The following DZIP3 variants were observed in gnomAD, a reference collection of about 807,000 sequenced individuals.
The protein encoded by DZIP3 is DAZ interacting zinc finger protein 3.
A neutral mutation model predicts 162.0 loss-of-function variants in DZIP3; 118 were observed. The observed-to-expected ratio is 0.73, with a 90% CI of 0.63 to 0.85. The LOEUF is 0.85. Among genes scored for constraint, DZIP3 ranks in the 40% least tolerant of loss-of-function variants. The pLI, the probability that DZIP3 is intolerant of heterozygous loss-of-function variation, is 0.00. For missense variants in DZIP3, 1,331 were observed against 1,407.0 expected (o/e 0.95, Z 0.86); for synonymous variants, 438 against 458.6 (o/e 0.96, Z 0.57).
At chr3:108,668,613 T>G (rs1943783451) in intron 21 of DZIP3, among the ~76,000 whole-genome samples, 1 of 152,036 alleles carries the variant, frequency 6.6e-6, no homozygotes, top group African/African-American at 2.4e-5. Context: ...AACATATTCC[T>G]ATATATTACA....
chr3:108,688,406 A>C (rs1441592504), intron 29 of DZIP3, among the ~76,000 whole-genome samples, 187 bp from the exon 30 acceptor site: 1 of 152,194 alleles, frequency 6.6e-6, no homozygotes, highest in Non-Finnish European at 1.5e-5. Flanking sequence ...AAGAATGTAT[A>C]GAGTTATTTT....
At chr3:108,629,775 A>G (rs1941748629) in intron 8 of DZIP3, among the ~76,000 whole-genome samples, 1 of 151,468 alleles carries the variant, frequency 6.6e-6, no homozygotes, top group Admixed American at 6.6e-5. Flanking sequence ...CATATTATAC[A>G]ATGCGATTTT....
chr3:108,688,903 C>T lies in DZIP3; in HGVS notation c.3495C>T (p.Cys1165=), dbSNP rs200425501. 146 of 1,614,072 alleles carry T rather than the reference C, an allele frequency of 9.0e-5. No individual in the cohort carries two copies. Among genetic ancestry groups the T allele is most frequent in the Middle Eastern group, 3.3e-4 (2 of 6,062 alleles). The part of the protein sequence containing the change: ...LSPENLSVLP[C]AHKFHAQCIR... The stretch of plus-strand genomic sequence containing the variant: ...CAGAAAATCTTTCAGTTTTGCCTTG[C>T]GCTCACAAATTCCATGCTCAGGTAA... The change falls in exon 31 of 33, where the codon TGC becomes TGT. Residue 1165 remains cysteine, a synonymous_variant. Coordinates refer to ENST00000361582, the MANE Select transcript of DZIP3 (RefSeq NM_014648.4).
chr3:108,639,322 T>C (rs1942288377), intron 12 of DZIP3, among the ~76,000 whole-genome samples: 1 of 152,204 alleles, frequency 6.6e-6, no homozygotes, highest in African/African-American at 2.4e-5. Flanking sequence ...AAGTAGAGAT[T>C]CTGGATTCCA....
In DZIP3 at chr3:108,644,519, T is replaced by A; in HGVS notation, c.1497T>A (p.Ser499=). The change falls in exon 14 of 33, where the codon TCT becomes TCA. Residue 499 remains serine, a synonymous_variant. Coordinates refer to ENST00000361582, the MANE Select transcript of DZIP3 (RefSeq NM_014648.4). Reference sequence around the variant, plus strand: ...CGCCATCTTCTGACATCTCTAAATCTGCAGACATCCTGAGACTGTGCAAAT... The same window carrying A: ...CGCCATCTTCTGACATCTCTAAATCAGCAGACATCCTGAGACTGTGCAAAT... ...MEPPSSDISK[S]ADILRLCKYR... 6.2e-7 allele frequency: 1 copy of A among 1,614,146 alleles called. No homozygotes were observed. Among genetic ancestry groups the A allele is most frequent in the Non-Finnish European group, 8.5e-7 (1 of 1,179,986 alleles).
At chr3:108,638,066 A>C (rs1037809337) in intron 12 of DZIP3, among the ~76,000 whole-genome samples, 1 of 152,098 alleles carries the variant, frequency 6.6e-6, no homozygotes. Context: ...GCCATTTTTC[A>C]ATCTAGTAGG....
intron 12 of DZIP3, among the ~76,000 whole-genome samples, chr3:108,640,394 AC>A (rs1942338696): frequency 1.1e-5 from 1 of 90,278 alleles, no homozygotes; most frequent in Admixed American, 9.7e-5. Context: ...TAGAATTGTT[AC>A]CTTTTTTTTT....
Position 108,670,431 on chromosome 3 carries a change from G to C in DZIP3, c.2492+682G>C, listed in dbSNP as rs188148224. Among the ~76,000 whole-genome samples the C allele has an allele frequency of 1.7e-3, 258 of 151,798 alleles. 3 individuals carry two copies. Among genetic ancestry groups the C allele is most frequent in the South Asian group, 3.7e-3 (18 of 4,820 alleles). ...TGAGTAACATTTTTCACTTAACATA[G>C]TTTCAAAATTCATTCATGTTGTAGC... On this transcript the variant is annotated intron_variant, in intron 22 of 32. Coordinates refer to ENST00000361582, the MANE Select transcript of DZIP3 (RefSeq NM_014648.4).
In DZIP3 at chr3:108,611,332, A is replaced by G. The variant is rs749474844; in HGVS notation, c.258+3A>G. ...ATTTTTCCTTCCAAACTATGCAGGTAACGTCATAAGTTGTTATTTGGGGCA... is the reference window on the plus strand; with the variant it reads ...ATTTTTCCTTCCAAACTATGCAGGTGACGTCATAAGTTGTTATTTGGGGCA... On this transcript the variant is annotated splice_donor_region_variant and intron_variant, in intron 4 of 32. Transcript: ENST00000361582. 2.5e-6 allele frequency: 4 copies of G among 1,611,376 alleles called. No homozygotes were observed. The African/African-American group carries it at 4.0e-5, about 16-fold the overall frequency.
At chr3:108,673,364 A>G (rs1316943566) in intron 23 of DZIP3, among the ~76,000 whole-genome samples, 1 of 151,966 alleles carries the variant, frequency 6.6e-6, no homozygotes, top group East Asian at 1.9e-4. Flanking sequence ...TACTAGCTTT[A>G]ACAAAAGAAA....
At chr3:108,615,031 C>T (rs1255665708) in intron 4 of DZIP3, among the ~76,000 whole-genome samples, 2 of 152,070 alleles carry the variant, frequency 1.3e-5, no homozygotes, top group Non-Finnish European at 2.9e-5. Context: ...GGCTGTTTAC[C>T]AGGGCTGCTC....
At chr3:108,617,333 A>G (rs565476630) in intron 5 of DZIP3, among the ~76,000 whole-genome samples, 11 of 152,292 alleles carry the variant, frequency 7.2e-5, no homozygotes, top group African/African-American at 2.6e-4. Context: ...TCATTTCACA[A>G]TGTATACATA....
rs74778712 is a variant in DZIP3, at chr3:108,607,973, T to A, written c.33-116T>A. The A allele has an allele frequency of 5.0e-3, 4,255 of 849,706 alleles. 134 individuals are homozygous for A. In the African/African-American group the frequency reaches 0.065, roughly 13 times the overall value. The allele number at this position is 849,706 out of a possible 1,614,324, so 52.6% of individuals were successfully genotyped here. On this transcript the variant is annotated intron_variant, in intron 2 of 32. Transcript: ENST00000361582. ...GGCACCTACCACCATTACCAGTCTT[T>A]GATACATTTTGGTTACACTTTCAGA...
intron 8 of DZIP3, among the ~76,000 whole-genome samples, chr3:108,631,055 A>ACACACACACACCCTCT: frequency 5.6e-5 from 1 of 18,006 alleles, no homozygotes; most frequent in African/African-American, 2.8e-4. Flanking sequence ...ACACACACAC[A>ACACACACACACCCTCT]CTCTCTCTCT....
intron 25 of DZIP3, among the ~76,000 whole-genome samples, chr3:108,676,475 G>A (rs186047144): frequency 1.3e-5 from 2 of 152,072 alleles, no homozygotes; most frequent in African/African-American, 4.8e-5. Flanking sequence ...TACTGGTGTA[G>A]GACCATGCTA....
At chr3:108,612,603 T>C (rs1243382069) in intron 4 of DZIP3, among the ~76,000 whole-genome samples, 1 of 152,068 alleles carries the variant, frequency 6.6e-6, no homozygotes, top group African/African-American at 2.4e-5. Flanking sequence ...GATGCCCAAG[T>C]CTCTTATGTA....
At chr3:108,646,491 G>A (rs544813602) in intron 14 of DZIP3, 126 bp from the exon 15 acceptor site, 2 of 706,444 alleles carry the variant, frequency 2.8e-6, no homozygotes, top group East Asian at 5.5e-5. Flanking sequence ...AGCAAAGCTG[G>A]TTATTTTTCC....
chr3:108,640,319 A>ATT lies in DZIP3; in HGVS notation c.1065-2110_1065-2109dup, dbSNP rs139619517. Among the ~76,000 whole-genome samples, 760 of 137,944 alleles carry ATT rather than the reference A, an allele frequency of 5.5e-3. 9 individuals are homozygous for ATT. The highest frequency in any genetic ancestry group is 0.018 in the African/African-American group (676 of 37,596). The allele number at this position is 137,944 out of a possible 152,430, so 90.5% of individuals were successfully genotyped here. A position where few individuals can be genotyped will look rare whatever the true frequency, so the allele number is the denominator to read the frequency against. On this transcript the variant is annotated intron_variant, in intron 12 of 32. Transcript: ENST00000361582. ...CAGGGAATGTTGAAGTATACTATTC[A>ATT]TTTTTTTTTTGTCTACTGTCTAATT...
At chr3:108,628,970 A>G in intron 7 of DZIP3, 92 bp from the exon 8 acceptor site, 1 of 732,220 alleles carries the variant, frequency 1.4e-6, no homozygotes, top group South Asian at 2.2e-5. Context: ...CACCCTATTT[A>G]CCACAAAAAA....
Sources: gnomAD v4.1 joint callset for allele counts (sites outside exome capture counted in the v4.1 genomes callset) on GRCh38, gnomAD v4.1.1 for gene constraint, MANE v1.5 for transcripts, NCBI Gene and HGNC (gene_info 2026-07-23, HGNC 2026-07-21) for gene names.